Variants in RNASEL observed in about 807,000 individuals in gnomAD.
RNASEL encodes the protein 2-5A-dependent ribonuclease.
Under a neutral mutation model 50.9 loss-of-function variants are expected in RNASEL, and 36 were observed. The observed-to-expected ratio is 0.71, with a 90% CI of 0.54 to 0.93. RNASEL has a LOEUF of 0.93. RNASEL is among the 40% of genes least tolerant of loss of function. The pLI, the probability that RNASEL is intolerant of heterozygous loss-of-function variation, is 0.00. For missense variants in RNASEL, 860 were observed against 894.5 expected (o/e 0.96, Z 0.49); for synonymous variants, 335 against 335.6 (o/e 1.00, Z 0.02).
Position 182,580,533 on chromosome 1 carries a change from C to T in RNASEL, c.1905+692G>A, listed in dbSNP as rs374045249. 3.3e-5 allele frequency among the ~76,000 whole-genome samples: 5 copies of T among 152,334 alleles called. No homozygotes were observed. In the East Asian group the frequency reaches 5.8e-4, roughly 18 times the overall value. On this transcript the variant is annotated intron_variant, in intron 5 of 6. Transcript: ENST00000367559. ...ATCATTTCCATGGGCTTCTCAGCCCCACAGGGACACATTGTATTCTGCTTT... is the reference window on the plus strand; with the variant it reads ...ATCATTTCCATGGGCTTCTCAGCCCTACAGGGACACATTGTATTCTGCTTT...
chr1:182,574,458 C>T lies in RNASEL; in HGVS notation c.*934G>A, dbSNP rs147898031. ...CAAGAGTAAATAAATCTGAGTCCCT[C>T]CTCTGTGGGGTGGTCCACACACTCC... On this transcript the variant is annotated 3_prime_UTR_variant, in exon 7 of 7. Coordinates refer to ENST00000367559, the MANE Select transcript of RNASEL (RefSeq NM_021133.4). The T allele has an allele frequency of 8.7e-6, 2 of 231,014 alleles. No individual in the cohort carries two copies. Among genetic ancestry groups the T allele is most frequent in the East Asian group, 1.2e-4 (2 of 16,282 alleles). The allele number at this position is 231,014 out of a possible 1,614,324, so 14.3% of individuals were successfully genotyped here. A position where few individuals can be genotyped will look rare whatever the true frequency, so the allele number is the denominator to read the frequency against.
At chr1:182,582,026 G>A in intron 4 of RNASEL, 27 bp downstream of exon 4, 1 of 1,602,120 alleles carries the variant, frequency 6.2e-7, no homozygotes. Flanking sequence ...CTGGAGGCCT[G>A]TGGCATCTGC....
chr1:182,576,759 C>T (rs1044249017), intron 5 of RNASEL: 1 of 190,246 alleles, frequency 5.3e-6, no homozygotes, highest in African/African-American at 2.4e-5. Context: ...GTAATCCCAG[C>T]TACTTGGGAG....
chr1:182,576,868 T>A (rs941124634), intron 5 of RNASEL: 1 of 150,900 alleles, frequency 6.6e-6, no homozygotes. Flanking sequence ...CAAGACTCCA[T>A]CTCAAAAAAA....
At position 182,584,179 on chromosome 1, in the gene RNASEL, T is replaced by C; in HGVS notation, c.1481-13A>G. 2 of 1,583,624 alleles carry C rather than the reference T, an allele frequency of 1.3e-6. No homozygotes were observed. The highest frequency in any genetic ancestry group is 1.7e-6 in the Non-Finnish European group (2 of 1,152,130). ...GCTTTCTTAGAATCTAAGGAAAAGTTTGCAGAGGCACATTGAAAATACTCA... is the reference window on the plus strand; with the variant it reads ...GCTTTCTTAGAATCTAAGGAAAAGTCTGCAGAGGCACATTGAAAATACTCA... On this transcript the variant is annotated splice_polypyrimidine_tract_variant and intron_variant, in intron 2 of 6. Transcript: ENST00000367559.
rs950101930 is a variant in RNASEL at position 182,586,987 on chromosome 1, G to A, written c.-164-17C>T. On this transcript the variant is annotated splice_polypyrimidine_tract_variant and intron_variant, in intron 1 of 6. Coordinates refer to ENST00000367559, the MANE Select transcript of RNASEL (RefSeq NM_021133.4). ...ACATTCCACCTGGCAACGAAGAGAG[G>A]TGCTTTGTAATTTTACAATAGGGAG... 1.4e-6 allele frequency: 1 copy of A among 690,518 alleles called. No homozygotes were observed. Among genetic ancestry groups the A allele is most frequent in the Non-Finnish European group, 2.4e-6 (1 of 415,302 alleles). The allele number at this position is 690,518 out of a possible 1,614,324, so 42.8% of individuals were successfully genotyped here.
chr1:182,579,497 G>A lies in RNASEL; in HGVS notation c.1905+1728C>T, dbSNP rs549205190. 127 of 1,076,844 alleles carry A rather than the reference G, an allele frequency of 1.2e-4. No homozygotes were observed. In the African/African-American group the frequency reaches 1.5e-3, roughly 13 times the overall value. 66.7% of individuals were successfully genotyped at this position (1,076,844 alleles called of 1,614,324 possible). A position where few individuals can be genotyped will look rare whatever the true frequency, so the allele number is the denominator to read the frequency against. ...CAGGTGCACTCTGTGCAGAACACCCGTGAGAAACGCCAAGCACGTATGTGT... is the reference window on the plus strand; with the variant it reads ...CAGGTGCACTCTGTGCAGAACACCCATGAGAAACGCCAAGCACGTATGTGT... On this transcript the variant is annotated intron_variant, in intron 5 of 6. Coordinates refer to ENST00000367559, the MANE Select transcript of RNASEL (RefSeq NM_021133.4).
chr1:182,582,513 A>C (rs1661516293), intron 3 of RNASEL, among the ~76,000 whole-genome samples: 1 of 152,222 alleles, frequency 6.6e-6, no homozygotes, highest in Non-Finnish European at 1.5e-5. Flanking sequence ...TTGGAGGAAG[A>C]GAGATTTGAG....
At chr1:182,587,062 CATAT>C in intron 1 of RNASEL, 92 bp from the exon 2 acceptor site, 1 of 332,266 alleles carries the variant, frequency 3.0e-6, no homozygotes, top group South Asian at 6.2e-5. Flanking sequence ...TTTCTAAATA[CATAT>C]ATTTATTTCT....
Position 182,581,384 on chromosome 1 carries a change from A to G in RNASEL, c.1773-27T>C, listed in dbSNP as rs373189696. 1.1e-5 allele frequency: 18 copies of G among 1,611,266 alleles called. No individual in the cohort carries two copies. The African/African-American group carries it at 1.9e-4, about 17-fold the overall frequency. Reference sequence around the variant, plus strand: ...TGAAGATGACTAAATGATCTAAATGATCATGATCATCCCATCCCTCCCTTT... The same window carrying G: ...TGAAGATGACTAAATGATCTAAATGGTCATGATCATCCCATCCCTCCCTTT... On this transcript the variant is annotated intron_variant, in intron 4 of 6. Coordinates refer to ENST00000367559, the MANE Select transcript of RNASEL (RefSeq NM_021133.4).
intron 2 of RNASEL, among the ~76,000 whole-genome samples, chr1:182,584,521 T>C (rs569703345): frequency 6.6e-6 from 1 of 152,340 alleles, no homozygotes; most frequent in South Asian, 2.1e-4. Flanking sequence ...TCTCAGTGCA[T>C]GTCTATGGAT....
intron 1 of RNASEL, among the ~76,000 whole-genome samples, chr1:182,587,472 T>A (rs1356856182): frequency 6.6e-6 from 1 of 152,082 alleles, no homozygotes; most frequent in African/African-American, 2.4e-5. Flanking sequence ...TTTCGATAGA[T>A]CTTATGATAG....
rs1316106647 is a variant in RNASEL at position 182,574,966 on chromosome 1, T to A, written c.*426A>T. On this transcript the variant is annotated 3_prime_UTR_variant, in exon 7 of 7. Transcript: ENST00000367559. ...GTACCAATAACACCACATAAATTTATAAAGTGCTAGGTATAAATTGAATAA... is the reference window on the plus strand; with the variant it reads ...GTACCAATAACACCACATAAATTTAAAAAGTGCTAGGTATAAATTGAATAA... The A allele has an allele frequency of 2.6e-5, 7 of 273,546 alleles. No homozygotes were observed. The highest frequency in any genetic ancestry group is 4.3e-5 in the African/African-American group (2 of 45,988). 16.9% of individuals were successfully genotyped at this position (273,546 alleles called of 1,614,324 possible). A position where few individuals can be genotyped will look rare whatever the true frequency, so the allele number is the denominator to read the frequency against.
At chr1:182,579,853 G>T in intron 5 of RNASEL, 1 of 604,832 alleles carries the variant, frequency 1.7e-6, no homozygotes, top group Non-Finnish European at 2.8e-6. Context: ...GTGAGTAAAT[G>T]AGTTGGTAGA....
rs1352061299 is a variant in RNASEL, at chr1:182,581,337, T to G, written c.1793A>C (p.Asn598Thr). Residue 598 changes from asparagine to threonine, a missense_variant, in exon 5 of 7, where the codon AAT becomes ACT. Coordinates refer to ENST00000367559, the MANE Select transcript of RNASEL (RefSeq NM_021133.4). ...TWESRYRTLR[N>T]VGNESDIKTR... Reference sequence around the variant, plus strand: ...TTTGATGTCGGATTCATTTCCCACATTCCGAAGCGTCCTATAGCGGCTGAA... The same window carrying G: ...TTTGATGTCGGATTCATTTCCCACAGTCCGAAGCGTCCTATAGCGGCTGAA... The G allele has an allele frequency of 6.2e-7, 1 of 1,614,086 alleles. No homozygotes were observed. The highest frequency in any genetic ancestry group is 1.1e-5 in the South Asian group (1 of 91,068).
rs780021840 is a variant in RNASEL at position 182,586,702 on chromosome 1, G to A, written c.105C>T (p.Asn35=). 4 of 1,614,206 alleles carry A rather than the reference G, an allele frequency of 2.5e-6. No homozygotes were observed. Among genetic ancestry groups the A allele is most frequent in the South Asian group, 2.2e-5 (2 of 91,086 alleles). ...ATTGCTGGACCAGGTCAACATCTTC[G>A]TTTTGAACAGCTTTAATCAGCAAGT... ...DNHLLIKAVQ[N]EDVDLVQQLL... is the part of the protein sequence containing the mutation. Residue 35 remains asparagine, a synonymous_variant, in exon 2 of 7, where the codon AAC becomes AAT. Transcript: ENST00000367559.
Position 182,586,090 on chromosome 1 carries a change from C to G in RNASEL, c.717G>C (p.Gly239=), listed in dbSNP as rs2102371238. The G allele has an allele frequency of 1.2e-6, 2 of 1,614,138 alleles. No individual in the cohort carries two copies. Among genetic ancestry groups the G allele is most frequent in the Non-Finnish European group, 1.7e-6 (2 of 1,180,034 alleles). The change falls in exon 2 of 7, where the codon GGG becomes GGC. Residue 239 remains glycine (G), a synonymous_variant. Transcript: ENST00000367559. ...GADVNVRGER[G]KTPLILAVEK... Reference sequence around the variant, plus strand: ...CCACTGCCAGGATCAGGGGAGTCTTCCCTCTTTCTCCCCTCACATTGACAT... The same window carrying G: ...CCACTGCCAGGATCAGGGGAGTCTTGCCTCTTTCTCCCCTCACATTGACAT...
Position 182,585,959 on chromosome 1 carries a change from A to T in RNASEL, c.848T>A (p.Leu283His). Reference sequence around the variant, plus strand: ...CAACTCGGCGATTTTCTTCAGTTTGAGTTCAACAGCAAGCAGCAGTGCTGT... The same window carrying T: ...CAACTCGGCGATTTTCTTCAGTTTGTGTTCAACAGCAAGCAGCAGTGCTGT... ...GKTALLLAVE[L>H]KLKKIAELLC... Residue 283 changes from leucine (L) to histidine (H), a missense_variant, in exon 2 of 7, where the codon CTC becomes CAC. Coordinates refer to ENST00000367559, the MANE Select transcript of RNASEL (RefSeq NM_021133.4). The T allele has an allele frequency of 1.2e-6, 2 of 1,614,140 alleles. No individual in the cohort carries two copies. Among genetic ancestry groups the T allele is most frequent in the Non-Finnish European group, 1.7e-6 (2 of 1,180,028 alleles).
At position 182,582,062 on chromosome 1, in the gene RNASEL, G is replaced by A; in HGVS notation, c.1763C>T (p.Thr588Ile). 1 of 1,614,078 alleles carries A rather than the reference G, an allele frequency of 6.2e-7. No individual in the cohort carries two copies. Among genetic ancestry groups the A allele is most frequent in the Non-Finnish European group, 8.5e-7 (1 of 1,179,972 alleles). Reference sequence around the variant, plus strand: ...ACAAAGTTTTACTTACCTCTCCCAAGTCCAAAAGAAGGGATGACCCAGCAG... The same window carrying A: ...ACAAAGTTTTACTTACCTCTCCCAAATCCAAAAGAAGGGATGACCCAGCAG... ...SDLLGHPFFW[T>I]WESRYRTLRN... Residue 588 changes from threonine (T) to isoleucine (I), a missense_variant, in exon 4 of 7, where the codon ACT becomes ATT. Coordinates refer to ENST00000367559, the MANE Select transcript of RNASEL (RefSeq NM_021133.4).
Sources: gnomAD v4.1 joint callset for allele counts (sites outside exome capture counted in the v4.1 genomes callset) on GRCh38, gnomAD v4.1.1 for gene constraint, MANE v1.5 for transcripts, NCBI Gene and HGNC (gene_info 2026-07-23, HGNC 2026-07-21) for gene names.